Variants in DISP1 observed in about 807,000 individuals in gnomAD.
The protein encoded by DISP1 is protein dispatched homolog 1.
Under a neutral mutation model 37.3 loss-of-function variants are expected in DISP1, and 30 were observed. That is an observed-to-expected ratio of 0.80 (90% confidence interval 0.60 to 1.09). DISP1 has a LOEUF of 1.09. Ranked by LOEUF, DISP1 falls within the 50% of genes least tolerant of loss-of-function variation. The pLI, the probability that DISP1 is intolerant of heterozygous loss-of-function variation, is 0.00. For synonymous variants in DISP1, 634 were observed against 690.2 expected, an observed-to-expected ratio of 0.92 and a Z score of 1.28; for missense variants, 1,598 against 1,879.5, an observed-to-expected ratio of 0.85 and a Z score of 2.77.
In DISP1 at chr1:222,990,547, G is replaced by A. The variant is rs536284202; in HGVS notation, c.540-78G>A. 2.0e-4 allele frequency: 314 copies of A among 1,610,146 alleles called. 4 individuals are homozygous for A. The East Asian group carries it at 5.9e-3, about 30-fold the overall frequency. On this transcript the variant is annotated intron_variant, in intron 4 of 8. Coordinates refer to ENST00000675850, the MANE Select transcript of DISP1 (RefSeq NM_001377229.1). ...TCTTAGGTACCAAAAATATTTCTGC[G>A]AAGGGCCTTCTTTGTGCCTTCTTTG...
At chr1:222,963,805 A>G (rs1398370709) in intron 3 of DISP1, among the ~76,000 whole-genome samples, 4 of 151,994 alleles carry the variant, frequency 2.6e-5, no homozygotes, top group Non-Finnish European at 5.9e-5. Flanking sequence ...AGATGGGTCA[A>G]TAGGTGCAGC....
intron 1 of DISP1, among the ~76,000 whole-genome samples, chr1:222,879,286 A>T (rs1299895654): frequency 6.6e-6 from 1 of 152,176 alleles, no homozygotes; most frequent in Non-Finnish European, 1.5e-5. Context: ...TTGCCACAGA[A>T]AATATATTGA....
At chr1:222,886,790 A>G (rs1670624890) in intron 1 of DISP1, among the ~76,000 whole-genome samples, 1 of 152,240 alleles carries the variant, frequency 6.6e-6, no homozygotes, top group African/African-American at 2.4e-5. Context: ...TCCTTTGCCA[A>G]AAAAGAGTTG....
At chr1:222,957,876 G>A (rs967747274) in intron 3 of DISP1, among the ~76,000 whole-genome samples, 1 of 152,174 alleles carries the variant, frequency 6.6e-6, no homozygotes, top group African/African-American at 2.4e-5. Context: ...TCTAACCTAA[G>A]TTGGAACTGA....
At chr1:222,850,085 T>A (rs1170753452) in intron 1 of DISP1, among the ~76,000 whole-genome samples, 2 of 152,182 alleles carry the variant, frequency 1.3e-5, no homozygotes, top group Admixed American at 6.5e-5. Context: ...GTAAAATGTA[T>A]AAGATAAGCC....
At chr1:222,960,066 A>G (rs543592148) in intron 3 of DISP1, among the ~76,000 whole-genome samples, 1 of 152,224 alleles carries the variant, frequency 6.6e-6, no homozygotes, top group African/African-American at 2.4e-5. Context: ...TATTAGATCA[A>G]TGAGATAGAA....
chr1:222,817,279 T>C (rs1360238566), intron 1 of DISP1, among the ~76,000 whole-genome samples: 1 of 152,250 alleles, frequency 6.6e-6, no homozygotes, highest in Admixed American at 6.5e-5. Context: ...GATTCACTAT[T>C]TCTTTTTATT....
At chr1:222,885,022 A>G (rs532801463) in intron 1 of DISP1, among the ~76,000 whole-genome samples, 2 of 152,184 alleles carry the variant, frequency 1.3e-5, no homozygotes, top group East Asian at 3.9e-4. Flanking sequence ...TTGTGTGTTT[A>G]GTAGAGACGG....
chr1:222,959,429 G>A (rs1261346163), intron 3 of DISP1, among the ~76,000 whole-genome samples: 6 of 151,960 alleles, frequency 3.9e-5, no homozygotes, highest in South Asian at 2.1e-4. Context: ...GGCTGGGCAC[G>A]GTGGCTCACA....
At chr1:222,875,444 C>CT (rs945309176) in intron 1 of DISP1, among the ~76,000 whole-genome samples, 1 of 151,840 alleles carries the variant, frequency 6.6e-6, no homozygotes, top group Admixed American at 6.6e-5. Context: ...CTTATTTTGG[C>CT]TTTTTTCCCC....
chr1:222,962,201 A>T (rs564961797), intron 3 of DISP1, among the ~76,000 whole-genome samples: 1 of 152,294 alleles, frequency 6.6e-6, no homozygotes, highest in East Asian at 1.9e-4. Flanking sequence ...CAAAAAGAAT[A>T]AATACCTTGG....
chr1:222,923,003 G>T (rs955115706), intron 1 of DISP1, among the ~76,000 whole-genome samples: 7 of 152,146 alleles, frequency 4.6e-5, no homozygotes, highest in African/African-American at 1.4e-4. Context: ...TTATTAGATG[G>T]TAGTTAAGAT....
intron 1 of DISP1, among the ~76,000 whole-genome samples, chr1:222,860,993 T>C (rs1668850094): frequency 6.6e-6 from 1 of 152,222 alleles, no homozygotes; most frequent in Non-Finnish European, 1.5e-5. Context: ...AATGAATTGT[T>C]TTGATAAAAA....
chr1:222,888,183 C>T (rs1265123273), intron 1 of DISP1, among the ~76,000 whole-genome samples: 1 of 152,174 alleles, frequency 6.6e-6, no homozygotes, highest in Non-Finnish European at 1.5e-5. Context: ...CATAGTCCTA[C>T]TTGAGTTTCC....
chr1:222,937,258 T>A (rs1674013334), intron 2 of DISP1, among the ~76,000 whole-genome samples: 1 of 150,722 alleles, frequency 6.6e-6, no homozygotes, highest in African/African-American at 2.4e-5. Context: ...CTCGGCTAAT[T>A]TCTTTGTATT....
In DISP1 at chr1:222,980,509, T is replaced by C. The variant is rs566192071; in HGVS notation, c.510-2571T>C. Among the ~76,000 whole-genome samples, 4 of 152,192 alleles carry C rather than the reference T, an allele frequency of 2.6e-5. No homozygotes were observed. The East Asian group carries it at 5.8e-4, about 22-fold the overall frequency. On this transcript the variant is annotated intron_variant, in intron 3 of 8. Transcript: ENST00000675850. ...GTCCCTAGCTTCTTGCTTTTTTAAT[T>C]CATTGTCTACTGATTTCAAAGCTGT...
At chr1:222,913,511 T>C (rs1055456525) in intron 1 of DISP1, among the ~76,000 whole-genome samples, 1 of 152,318 alleles carries the variant, frequency 6.6e-6, no homozygotes, top group East Asian at 1.9e-4. Flanking sequence ...AATAAGATAT[T>C]ATCTGTGATG....
At chr1:222,936,794 A>ATCATATATGATAT (rs1558339805) in intron 2 of DISP1, among the ~76,000 whole-genome samples, 38 of 75,520 alleles carry the variant, frequency 5.0e-4, no homozygotes, top group African/African-American at 1.0e-3. Context: ...TAATATATAT[A>ATCATATATGATAT]ATATATTATA....
intron 1 of DISP1, among the ~76,000 whole-genome samples, chr1:222,829,618 T>G (rs562322542): frequency 1.3e-5 from 2 of 152,206 alleles, no homozygotes; most frequent in Admixed American, 1.3e-4. Flanking sequence ...TTTTTGTATT[T>G]TTAGTAGAGA....
Sources: allele counts gnomAD v4.1 joint callset (sites outside exome capture counted in the v4.1 genomes callset), GRCh38; gene constraint gnomAD v4.1.1; transcripts MANE v1.5; gene names NCBI Gene and HGNC (gene_info 2026-07-23, HGNC 2026-07-21).